The following ASTN2 variants were observed in gnomAD, a reference collection of about 807,000 sequenced individuals.
The protein encoded by ASTN2 is astrotactin-2.
In ASTN2, 54 loss-of-function variants were observed where a neutral mutation model predicts 139.8. That is an observed-to-expected ratio of 0.39 (90% confidence interval 0.31 to 0.48). The LOEUF is 0.48. Ranked by LOEUF, ASTN2 falls within the 20% of genes least tolerant of loss-of-function variation. ASTN2 has a pLI of 0.95. For synonymous variants in ASTN2, 756 were observed against 719.5 expected, an observed-to-expected ratio of 1.05 and a Z score of -0.81; for missense variants, 1,565 against 1,725.1, an observed-to-expected ratio of 0.91 and a Z score of 1.64.
At chr9:116,910,915 C>T (rs369986863) in intron 10 of ASTN2, among the ~76,000 whole-genome samples, 23 of 152,194 alleles carry the variant, frequency 1.5e-4, no homozygotes, top group East Asian at 7.7e-4. Flanking sequence ...TAGGGTAGAG[C>T]GAGACCAGTC....
At chr9:117,318,313 C>T (rs1828213061) in intron 1 of ASTN2, among the ~76,000 whole-genome samples, 1 of 152,160 alleles carries the variant, frequency 6.6e-6, no homozygotes, top group East Asian at 1.9e-4. Flanking sequence ...CACTTAAAAA[C>T]TTGCCTGGCA....
At chr9:116,557,041 G>A (rs1190487166) in intron 19 of ASTN2, among the ~76,000 whole-genome samples, 1 of 151,526 alleles carries the variant, frequency 6.6e-6, no homozygotes, top group Non-Finnish European at 1.5e-5. Context: ...CTAACATGGT[G>A]AAACCCCGCC....
chr9:116,735,564 A>G (rs1316354758), intron 13 of ASTN2, among the ~76,000 whole-genome samples: 1 of 152,174 alleles, frequency 6.6e-6, no homozygotes, highest in Admixed American at 6.5e-5. Flanking sequence ...GAACACAGAG[A>G]CAGATTGATG....
At position 117,141,370 on chromosome 9, in the gene ASTN2, C is replaced by T. The variant is rs761710154; in HGVS notation, c.1124G>A (p.Arg375His). ...IEIGQLQPPL[R>H]STSAGKRKRR... The stretch of plus-strand genomic sequence containing the variant: ...CTTCCTCTTCCCTGCCGATGTGCTG[C>T]GCAGGGGTGGTTGCAGCTGACCGAT... The change falls in exon 4 of 23, where the codon CGC becomes CAC. Residue 375 changes from arginine (R) to histidine (H), a missense_variant. By Grantham distance (29) the Arg-to-His change is conservative. Coordinates refer to ENST00000313400, the MANE Select transcript of ASTN2 (RefSeq NM_001365068.1). The T allele has an allele frequency of 2.4e-5, 33 of 1,367,408 alleles. No individual in the cohort carries two copies. Among genetic ancestry groups the T allele is most frequent in the Middle Eastern group, 2.1e-4 (1 of 4,790 alleles). 84.7% of individuals were successfully genotyped at this position (1,367,408 alleles called of 1,614,324 possible).
chr9:116,497,740 A>G (rs1384133295), intron 19 of ASTN2, among the ~76,000 whole-genome samples: 1 of 152,108 alleles, frequency 6.6e-6, no homozygotes, highest in African/African-American at 2.4e-5. Context: ...GGGAGGGATG[A>G]AGGAAGGCCA....
At chr9:116,981,845 T>C (rs764392706) in intron 7 of ASTN2, among the ~76,000 whole-genome samples, 89 of 152,288 alleles carry the variant, frequency 5.8e-4, no homozygotes, top group African/African-American at 2.0e-3. Flanking sequence ...AAAAAAGAAT[T>C]TACTCTCTTC....
chr9:116,871,337 A>G (rs536746885), intron 10 of ASTN2, among the ~76,000 whole-genome samples: 82 of 152,364 alleles, frequency 5.4e-4, no homozygotes, highest in Non-Finnish European at 1.0e-3. Flanking sequence ...TTGTTGAGAT[A>G]TAATTCACAT....
rs948448956 is a variant in ASTN2, at chr9:116,908,576, G to A, written c.1890-44843C>T. On this transcript the variant is annotated intron_variant, in intron 10 of 22. Coordinates refer to ENST00000313400, the MANE Select transcript of ASTN2 (RefSeq NM_001365068.1). ...TTGTTTCCTTTCTTGAAAGTCTCTCGCAGAGCCAAAGGAGAACCTTGTTCT... is the reference window on the plus strand; with the variant it reads ...TTGTTTCCTTTCTTGAAAGTCTCTCACAGAGCCAAAGGAGAACCTTGTTCT... Among the ~76,000 whole-genome samples the A allele has an allele frequency of 5.3e-5, 8 of 152,176 alleles. No homozygotes were observed. The South Asian group carries it at 6.2e-4, about 12-fold the overall frequency.
At chr9:117,352,130 T>G (rs1253784583) in intron 1 of ASTN2, among the ~76,000 whole-genome samples, 1 of 152,218 alleles carries the variant, frequency 6.6e-6, no homozygotes, top group African/African-American at 2.4e-5. Flanking sequence ...TCACAGGCTG[T>G]GTCTTCAGCC....
intron 2 of ASTN2, among the ~76,000 whole-genome samples, chr9:117,288,945 T>C (rs1404512671): frequency 6.6e-6 from 1 of 152,216 alleles, no homozygotes; most frequent in Admixed American, 6.5e-5. Context: ...GAGGACTTGT[T>C]GTGTCTACAT....
rs527285582 is a variant in ASTN2, at chr9:117,053,483, A to G, written c.1277-13518T>C. 9.7e-4 allele frequency among the ~76,000 whole-genome samples: 147 copies of G among 152,244 alleles called. 1 individual carries two copies. The highest frequency in any genetic ancestry group is 3.3e-3 in the African/African-American group (139 of 41,550). On this transcript the variant is annotated intron_variant, in intron 5 of 22. Transcript: ENST00000313400. ...AAAAAACTAATGATCTTCTGGGGGT[A>G]AATAGCATTATGCTCATTTTAGAAA...
intron 19 of ASTN2, among the ~76,000 whole-genome samples, chr9:116,538,037 G>T (rs1851718900): frequency 6.6e-6 from 1 of 152,132 alleles, no homozygotes; most frequent in Admixed American, 6.6e-5. Context: ...TTTGAAACAA[G>T]ATCTGTATGA....
At chr9:117,308,116 A>G (rs1190459881) in intron 1 of ASTN2, among the ~76,000 whole-genome samples, 1 of 152,180 alleles carries the variant, frequency 6.6e-6, no homozygotes, top group Non-Finnish European at 1.5e-5. Flanking sequence ...TCCCAGCTCC[A>G]GGCGGCCCAG....
chr9:116,650,157 T>C (rs1400696282), intron 17 of ASTN2, among the ~76,000 whole-genome samples: 1 of 152,154 alleles, frequency 6.6e-6, no homozygotes, highest in Non-Finnish European at 1.5e-5. Context: ...CCCAGGGCTG[T>C]CTGGGAGGTG....
At chr9:116,735,539 G>C (rs373343805) in intron 13 of ASTN2, among the ~76,000 whole-genome samples, 1 of 152,336 alleles carries the variant, frequency 6.6e-6, no homozygotes, top group African/African-American at 2.4e-5. Flanking sequence ...GGAATCCTGT[G>C]CTGGGTGGTG....
At chr9:117,286,354 CTTT>C (rs35094114) in intron 2 of ASTN2, among the ~76,000 whole-genome samples, 3 of 135,742 alleles carry the variant, frequency 2.2e-5, no homozygotes, top group Non-Finnish European at 3.1e-5. Flanking sequence ...TTCCCACTTT[CTTT>C]TTTTTTTTTT....
At chr9:116,608,917 T>C (rs537860033) in intron 19 of ASTN2, among the ~76,000 whole-genome samples, 14 of 152,154 alleles carry the variant, frequency 9.2e-5, no homozygotes, top group Non-Finnish European at 1.9e-4. Context: ...AAGACTCACA[T>C]TGGACTTCCA....
At chr9:116,546,794 A>C (rs1852113544) in intron 19 of ASTN2, 1 of 152,148 alleles carries the variant, frequency 6.6e-6, no homozygotes, top group African/African-American at 2.4e-5. Context: ...TTTTTACTAA[A>C]TTTCCAACTC....
At chr9:116,426,596 T>G (rs1006515835) in intron 22 of ASTN2, among the ~76,000 whole-genome samples, 1 of 152,110 alleles carries the variant, frequency 6.6e-6, no homozygotes, top group East Asian at 1.9e-4. Context: ...AAACATCGAG[T>G]CAGCCACTGG....
Sources: gnomAD v4.1 joint callset for allele counts (sites outside exome capture counted in the v4.1 genomes callset) on GRCh38, gnomAD v4.1.1 for gene constraint, MANE v1.5 for transcripts, NCBI Gene and HGNC (gene_info 2026-07-23, HGNC 2026-07-21) for gene names.